Variants in PHACTR4 observed in about 807,000 individuals in gnomAD.
The protein encoded by PHACTR4 is phosphatase and actin regulator 4, also known as protein phosphatase 1, regulatory subunit 124.
Under a neutral mutation model 72.7 loss-of-function variants are expected in PHACTR4, and 51 were observed. The ratio of observed to expected loss-of-function variants is 0.70; its 90% confidence interval spans 0.56 to 0.89. The LOEUF (loss-of-function observed/expected upper bound fraction) is 0.89. Ranked by LOEUF, PHACTR4 falls within the 40% of genes least tolerant of loss-of-function variation. The pLI is 0.00. For synonymous variants in PHACTR4, 255 were observed against 302.5 expected, an observed-to-expected ratio of 0.84 and a Z score of 1.63; for missense variants, 731 against 861.8, an observed-to-expected ratio of 0.85 and a Z score of 1.90.
chr1:28,470,208 C>T (rs61785971), intron 6 of PHACTR4, among the ~76,000 whole-genome samples: 39,502 of 151,774 alleles, frequency 0.26, 5,278 homozygotes, highest in Middle Eastern at 0.34. Flanking sequence ...GCCTGAGCAA[C>T]GTAGCAAGAC....
intron 1 of PHACTR4, among the ~76,000 whole-genome samples, chr1:28,402,033 A>G (rs980800419): frequency 1.3e-5 from 2 of 152,194 alleles, no homozygotes; most frequent in African/African-American, 4.8e-5. Context: ...GACTAGAGTG[A>G]GAAGTGGTTA....
chr1:28,402,553 A>G (rs568615428), intron 1 of PHACTR4, among the ~76,000 whole-genome samples: 4 of 152,244 alleles, frequency 2.6e-5, no homozygotes, highest in African/African-American at 9.6e-5. Context: ...GGAGTTTGAG[A>G]CCAGCCTAGA....
chr1:28,401,391 C>T (rs1653935311), intron 1 of PHACTR4, among the ~76,000 whole-genome samples: 2 of 150,380 alleles, frequency 1.3e-5, no homozygotes, highest in African/African-American at 4.9e-5. Flanking sequence ...ACTGCAACCT[C>T]CACCTCCCGA....
intron 1 of PHACTR4, among the ~76,000 whole-genome samples, chr1:28,380,848 G>A (rs1652108111): frequency 6.6e-6 from 1 of 151,964 alleles, no homozygotes; most frequent in South Asian, 2.1e-4. Flanking sequence ...ATATTCCTTT[G>A]GGTATATAAC....
intron 2 of PHACTR4, among the ~76,000 whole-genome samples, chr1:28,451,367 A>G (rs943028561): frequency 2.6e-5 from 4 of 151,320 alleles, no homozygotes; most frequent in African/African-American, 9.7e-5. Flanking sequence ...AAGAAGCTTG[A>G]AGCTTGAACT....
intron 1 of PHACTR4, among the ~76,000 whole-genome samples, chr1:28,385,024 T>C (rs1178714361): frequency 1.3e-5 from 2 of 152,192 alleles, no homozygotes; most frequent in African/African-American, 4.8e-5. Flanking sequence ...TATTCTCTTT[T>C]GCTAGCTTTG....
chr1:28,384,525 A>G (rs1458640687), intron 1 of PHACTR4, among the ~76,000 whole-genome samples: 1 of 151,756 alleles, frequency 6.6e-6, no homozygotes, highest in Non-Finnish European at 1.5e-5. Context: ...TTCATTTCTG[A>G]TTGTGATTAT....
intron 2 of PHACTR4, among the ~76,000 whole-genome samples, chr1:28,424,636 G>A (rs972773064): frequency 2.1e-4 from 32 of 151,620 alleles, no homozygotes; most frequent in African/African-American, 6.1e-4. Context: ...CTACAGGCAC[G>A]TGCCACCACA....
chr1:28,386,727 C>T (rs929000596), intron 1 of PHACTR4, among the ~76,000 whole-genome samples: 3 of 152,040 alleles, frequency 2.0e-5, no homozygotes, highest in African/African-American at 7.2e-5. Flanking sequence ...CCTTGTAAGA[C>T]ACCAAATAAT....
intron 2 of PHACTR4, among the ~76,000 whole-genome samples, chr1:28,417,219 C>T (rs1466455443): frequency 6.6e-6 from 1 of 152,244 alleles, no homozygotes; most frequent in East Asian, 1.9e-4. Flanking sequence ...CAGATGATTG[C>T]AGTAGTCCCT....
At chr1:28,404,587 CAT>C (rs1421325273) in intron 1 of PHACTR4, among the ~76,000 whole-genome samples, 1 of 152,070 alleles carries the variant, frequency 6.6e-6, no homozygotes, top group Non-Finnish European at 1.5e-5. Flanking sequence ...CTGGCCTTGA[CAT>C]ATGTTTTTAT....
intron 2 of PHACTR4, among the ~76,000 whole-genome samples, chr1:28,423,408 C>CAAATAAAT (rs148724281): frequency 0.068 from 10,029 of 147,574 alleles, 359 homozygotes; most frequent in South Asian, 0.11. Context: ...GATCCTGCCT[C>CAAATAAAT]AAATAAATAA....
chr1:28,373,505 G>C (rs757003769), intron 1 of PHACTR4, among the ~76,000 whole-genome samples: 4 of 152,086 alleles, frequency 2.6e-5, no homozygotes, highest in Non-Finnish European at 5.9e-5. Flanking sequence ...GGCCAGACTG[G>C]TCTTGAACTC....
intron 2 of PHACTR4, among the ~76,000 whole-genome samples, chr1:28,441,217 T>A (rs773941820): frequency 1.8e-4 from 28 of 152,146 alleles, no homozygotes; most frequent in South Asian, 8.3e-4. Flanking sequence ...TCTTTTTTTT[T>A]AATTTAATTT....
chr1:28,416,509 A>C (rs1295257868), intron 2 of PHACTR4, among the ~76,000 whole-genome samples: 26 of 152,356 alleles, frequency 1.7e-4, no homozygotes, highest in Non-Finnish European at 7.3e-5. Flanking sequence ...TTTTTCTGTC[A>C]GTAGAAAAAG....
At chr1:28,393,973 A>G (rs1035351012) in intron 1 of PHACTR4, among the ~76,000 whole-genome samples, 1 of 152,050 alleles carries the variant, frequency 6.6e-6, no homozygotes, top group Non-Finnish European at 1.5e-5. Flanking sequence ...TTGGACTCCC[A>G]AAGTGCTGTG....
intron 1 of PHACTR4, 145 bp from the exon 2 acceptor site, chr1:28,407,264 AC>A: frequency 2.2e-5 from 8 of 369,862 alleles, no homozygotes; most frequent in African/African-American, 4.4e-5. Flanking sequence ...AAAAAAAAAA[AC>A]TATCATTTAA....
intron 4 of PHACTR4, 47 bp downstream of exon 4, chr1:28,460,339 C>A: frequency 7.5e-7 from 1 of 1,339,188 alleles, no homozygotes; most frequent in South Asian, 1.2e-5. Context: ...TGCACTTGGT[C>A]TTTGATTGGG....
intron 2 of PHACTR4, among the ~76,000 whole-genome samples, chr1:28,444,429 C>G (rs1026241021): frequency 2.0e-5 from 3 of 150,620 alleles, no homozygotes; most frequent in African/African-American, 7.3e-5. Context: ...AGGGTTTCAC[C>G]ATGTTGGCCA....
Sources: gnomAD v4.1 joint callset for allele counts (sites outside exome capture counted in the v4.1 genomes callset) on GRCh38, gnomAD v4.1.1 for gene constraint, MANE v1.5 for transcripts, NCBI Gene and HGNC (gene_info 2026-07-23, HGNC 2026-07-21) for gene names.